Variants in INPP1 observed in about 807,000 individuals in gnomAD.
The protein encoded by INPP1 is inositol polyphosphate 1-phosphatase.
A neutral mutation model predicts 23.0 loss-of-function variants in INPP1; 18 were observed. The ratio of observed to expected loss-of-function variants is 0.78; its 90% CI spans 0.54 to 1.16. The LOEUF is 1.16. Ranked by LOEUF, INPP1 falls within the 50% of genes most tolerant of loss-of-function variation. INPP1 has a pLI of 0.00. For missense variants in INPP1, 448 were observed against 482.1 expected (o/e 0.93, Z 0.66); for synonymous variants, 164 against 176.3 (o/e 0.93, Z 0.55).
chr2:190,344,353 G>A (rs1689176825), intron 1 of INPP1: 1 of 152,528 alleles, frequency 6.6e-6, no homozygotes, highest in Admixed American at 6.5e-5. Flanking sequence ...TCTGACAGTT[G>A]TCCAGAGCAG....
At position 190,355,448 on chromosome 2, in the gene INPP1, T is replaced by C. The variant is rs879586172; in HGVS notation, c.-64-4591T>C. ...TAGAGGTAAAGAAAAATAAGCAACC[T>C]GGAGAACTGGAGCTATTAAATCTGT... On this transcript the variant is annotated intron_variant, in intron 2 of 6. Coordinates refer to ENST00000392329, the MANE Select transcript of INPP1 (RefSeq NM_001128928.2). This position sits in a 1 kb window ranked among gnomAD's most constrained non-coding sequence, Gnocchi z 5.1. Among the ~76,000 whole-genome samples, 18 of 152,152 alleles carry C rather than the reference T, an allele frequency of 1.2e-4. No homozygotes were observed. The highest frequency in any genetic ancestry group is 2.4e-4 in the Non-Finnish European group (16 of 68,016).
chr2:190,352,643 C>A lies in INPP1; in HGVS notation c.-65+3612C>A, dbSNP rs1231788169. Among the ~76,000 whole-genome samples the A allele has an allele frequency of 6.6e-6, 1 of 152,146 alleles. No homozygotes were observed. The highest frequency in any genetic ancestry group is 2.4e-5 in the African/African-American group (1 of 41,426). ...CCCTTCTGCACAAACAACCTCCAAT[C>A]TTTAAAACTACTCCCCAAGGCAGCC... On this transcript the variant is annotated intron_variant, in intron 2 of 6. Coordinates refer to ENST00000392329, the MANE Select transcript of INPP1 (RefSeq NM_001128928.2). The surrounding 1 kb of genome is among the most constrained non-coding windows in gnomAD (Gnocchi z 4.7).
Position 190,368,298 on chromosome 2 carries a change from C to T in INPP1, c.467-805C>T, listed in dbSNP as rs1689725287. 6.6e-6 allele frequency among the ~76,000 whole-genome samples: 1 copy of T among 152,188 alleles called. No homozygotes were observed. Among genetic ancestry groups the T allele is most frequent in the African/African-American group, 2.4e-5 (1 of 41,442 alleles). On this transcript the variant is annotated intron_variant, in intron 5 of 6. Coordinates refer to ENST00000392329, the MANE Select transcript of INPP1 (RefSeq NM_001128928.2). The surrounding 1 kb of genome is among the most constrained non-coding windows in gnomAD (Gnocchi z 4.3). ...CAGTCAGCTGCTGGCATGTACATCT[C>T]TTAAGGGGAAACCTAGTTTCTCTGC...
At chr2:190,362,316 T>C (rs1180680169) in intron 3 of INPP1, among the ~76,000 whole-genome samples, 1 of 152,234 alleles carries the variant, frequency 6.6e-6, no homozygotes, top group Non-Finnish European at 1.5e-5. Context: ...ATTCGAATTC[T>C]ATGGCCCTTA....
chr2:190,343,909 G>T lies in INPP1; in HGVS notation c.-261G>T. 1 of 176,506 alleles carries T rather than the reference G, an allele frequency of 5.7e-6. No individual in the cohort carries two copies. The allele number at this position is 176,506 out of a possible 1,614,324, so 10.9% of individuals were successfully genotyped here. A position where few individuals can be genotyped will look rare whatever the true frequency, so the allele number is the denominator to read the frequency against. On this transcript the variant is annotated 5_prime_UTR_variant, in exon 1 of 7. Transcript: ENST00000392329. ...CCTCCTCCTGCTCCCCGCCGCTTCC[G>T]TTTCTCGAGGGAAAGGCTGCTGCCT... is the stretch of plus-strand genomic sequence containing the variant.
At chr2:190,353,169 G>A (rs1001238556) in intron 2 of INPP1, among the ~76,000 whole-genome samples, 1 of 152,146 alleles carries the variant, frequency 6.6e-6, no homozygotes, top group African/African-American at 2.4e-5. Flanking sequence ...GCCAGCTTCT[G>A]CTACAACCAG....
Position 190,366,743 on chromosome 2 carries a change from A to G in INPP1, c.314A>G (p.Glu105Gly). The G allele has an allele frequency of 6.2e-7, 1 of 1,613,672 alleles. No individual in the cohort carries two copies. Among genetic ancestry groups the G allele is most frequent in the South Asian group, 1.1e-5 (1 of 91,076 alleles). Residue 105 changes from glutamate (E) to glycine (G), a missense_variant, in exon 5 of 7, where the codon GAG (glutamate) becomes GGG (glycine). Glu to Gly is a moderately conservative substitution (Grantham distance 98). Transcript: ENST00000392329. Reference protein sequence around the residue: ...RLCSTEEETAELLSKVLNGNK... With the variant: ...RLCSTEEETAGLLSKVLNGNK... ...TGTTCAACAGAGGAGGAAACAGCAG[A>G]GCTTCTTAGCAAAGTCCTCAATGGT...
intron 1 of INPP1, chr2:190,344,295 A>T (rs1437025187): frequency 2.6e-5 from 4 of 153,308 alleles, no homozygotes; most frequent in Non-Finnish European, 4.3e-5. Flanking sequence ...GTGGCAAACA[A>T]CGATTTTAAA....
chr2:190,360,163 G>T lies in INPP1; in HGVS notation c.61G>T (p.Ala21Ser). 6.2e-7 allele frequency: 1 copy of T among 1,614,122 alleles called. No individual in the cohort carries two copies. Among genetic ancestry groups the T allele is most frequent in the Non-Finnish European group, 8.5e-7 (1 of 1,180,038 alleles). ...VSEKAANIAR[A>S]CRQQEALFQL... ...TGAGAAGGCTGCTAACATTGCCCGG[G>T]CGTGCAGACAGCAGGAAGCCCTCTT... is the stretch of plus-strand genomic sequence containing the variant. Residue 21 changes from alanine (A) to serine (S), a missense_variant, in exon 3 of 7, where the codon GCG becomes TCG. By Grantham distance (99) the Ala-to-Ser change is moderately conservative. Coordinates refer to ENST00000392329, the MANE Select transcript of INPP1 (RefSeq NM_001128928.2).
chr2:190,350,713 T>G (rs988532143), intron 2 of INPP1, among the ~76,000 whole-genome samples: 1 of 152,164 alleles, frequency 6.6e-6, no homozygotes, highest in Non-Finnish European at 1.5e-5. Flanking sequence ...GTTTGAAGGT[T>G]AGGGAGGAAA....
intron 6 of INPP1, among the ~76,000 whole-genome samples, chr2:190,369,599 T>A: frequency 6.6e-6 from 1 of 152,234 alleles, no homozygotes; most frequent in Non-Finnish European, 1.5e-5. Context: ...GTGGTAACAC[T>A]GCCTTCCAAT....
chr2:190,352,979 T>G lies in INPP1; in HGVS notation c.-65+3948T>G, dbSNP rs190252858. On this transcript the variant is annotated intron_variant, in intron 2 of 6. Transcript: ENST00000392329. The surrounding 1 kb of genome is among the most constrained non-coding windows in gnomAD (Gnocchi z 4.7). The stretch of plus-strand genomic sequence containing the variant: ...TGTGAACCGTGGGGGTGGGGTGGAG[T>G]CAATGCGCAATGGGCAAAAATGTGT... Among the ~76,000 whole-genome samples, 1 of 151,232 alleles carries G rather than the reference T, an allele frequency of 6.6e-6. No homozygotes were observed. The highest frequency in any genetic ancestry group is 1.9e-4 in the East Asian group (1 of 5,144).
At chr2:190,370,635 C>T (rs1689781148) in intron 6 of INPP1, among the ~76,000 whole-genome samples, 1 of 152,200 alleles carries the variant, frequency 6.6e-6, no homozygotes, top group Non-Finnish European at 1.5e-5. Context: ...GAAAGCATTT[C>T]TAATTGCAAC....
In INPP1 at chr2:190,345,693, AG is replaced by A. The variant is rs1358409928; in HGVS notation, c.-209+1733del. The A allele has an allele frequency of 2.6e-5, 4 of 152,206 alleles. No individual in the cohort carries two copies. The highest frequency in any genetic ancestry group is 2.6e-4 in the Admixed American group (4 of 15,276). The allele number at this position is 152,206 out of a possible 1,614,324, so 9.4% of individuals were successfully genotyped here. ...AACTATGTTAATGTGTTTGGCTGAG[AG>A]CTTAGAAATAAAGGCTCTGGCTGGC... is the stretch of plus-strand genomic sequence containing the variant. On this transcript the variant is annotated intron_variant, in intron 1 of 6. Coordinates refer to ENST00000392329, the MANE Select transcript of INPP1 (RefSeq NM_001128928.2). The surrounding 1 kb of genome is among the most constrained non-coding windows in gnomAD (Gnocchi z 4.9).
intron 1 of INPP1, among the ~76,000 whole-genome samples, chr2:190,344,563 G>T (rs373279222): frequency 6.6e-6 from 1 of 152,216 alleles, no homozygotes; most frequent in Non-Finnish European, 1.5e-5. Context: ...ATTTTGAAAG[G>T]TGGTTTTGTG....
Position 190,346,656 on chromosome 2 carries a change from C to A in INPP1, c.-208-2232C>A, listed in dbSNP as rs1689221727. ...AAAAGGTCACACTCTGTCATCCAGG[C>A]TGGAGTACAGTGGTGTGATCATGGC... On this transcript the variant is annotated intron_variant, in intron 1 of 6. Coordinates refer to ENST00000392329, the MANE Select transcript of INPP1 (RefSeq NM_001128928.2). This position sits in a 1 kb window ranked among gnomAD's most constrained non-coding sequence, Gnocchi z 5.1. Among the ~76,000 whole-genome samples, 1 of 152,042 alleles carries A rather than the reference C, an allele frequency of 6.6e-6. No individual in the cohort carries two copies. The highest frequency in any genetic ancestry group is 6.6e-5 in the Admixed American group (1 of 15,260).
At chr2:190,365,960 GCTCTCTCTCGCTCTCTCGCT>G (rs1689642918) in intron 4 of INPP1, among the ~76,000 whole-genome samples, 1 of 80,026 alleles carries the variant, frequency 1.2e-5, no homozygotes, top group Admixed American at 1.5e-4. Flanking sequence ...TCACTCTTTT[GCTCTCTCTCGCTCTCTCGCT>G]CTGTCTCGCT....
rs35616200 is a variant in INPP1 at position 190,371,265 on chromosome 2, G to C, written c.1063G>C (p.Val355Leu). ...TGATTTGCCACAGTTGGTGTACCAC[G>C]TGGAAAATGAGGGTGCTGCTGGGGT... ...GLDLPQLVYHVENEGAAGVDR... is the reference protein window; with the variant it reads ...GLDLPQLVYHLENEGAAGVDR... Residue 355 changes from valine to leucine, a missense_variant, in exon 7 of 7, where the codon GTG becomes CTG. Val to Leu is a conservative substitution (Grantham distance 32). Transcript: ENST00000392329. This position sits in a 1 kb window ranked among gnomAD's most constrained non-coding sequence, Gnocchi z 5.3. The C allele has an allele frequency of 1.9e-6, 3 of 1,612,470 alleles. No homozygotes were observed. The highest frequency in any genetic ancestry group is 1.7e-6 in the Non-Finnish European group (2 of 1,178,932).
rs182887787 is a variant in INPP1 at position 190,345,908 on chromosome 2, C to A, written c.-209+1947C>A. 3.1e-3 allele frequency among the ~76,000 whole-genome samples: 467 copies of A among 152,256 alleles called. No individual in the cohort carries two copies. Among genetic ancestry groups the A allele is most frequent in the African/African-American group, 0.011 (448 of 41,526 alleles). On this transcript the variant is annotated intron_variant, in intron 1 of 6. Transcript: ENST00000392329. This position sits in a 1 kb window ranked among gnomAD's most constrained non-coding sequence, Gnocchi z 4.9. The stretch of plus-strand genomic sequence containing the variant: ...ATTCAGGAGGCTGAGGCTGGAGGAT[C>A]CCTGGAACCTAGGAATCAGAGGTTG...
Sources: allele counts gnomAD v4.1 joint callset (sites outside exome capture counted in the v4.1 genomes callset), GRCh38; gene constraint gnomAD v4.1.1; non-coding constraint Gnocchi (gnomAD v3.1); transcripts MANE v1.5; gene names NCBI Gene and HGNC (gene_info 2026-07-23, HGNC 2026-07-21).